BAHCC1: variants seen among roughly 807,000 people sequenced by gnomAD.
BAHCC1 encodes BAH and coiled-coil domain-containing protein 1.
A neutral mutation model predicts 88.2 loss-of-function variants in BAHCC1; 43 were observed. The ratio of observed to expected loss-of-function variants is 0.49; its 90% CI spans 0.38 to 0.63. The LOEUF (loss-of-function observed/expected upper bound fraction) is 0.63. Among genes scored for constraint, BAHCC1 ranks in the 20% least tolerant of loss-of-function variants. The pLI is 0.00. For missense variants in BAHCC1, 3,023 were observed against 1,654.8 expected (o/e 1.83, Z -14.34); for synonymous variants, 1,510 against 745.5 (o/e 2.03, Z -16.71).
rs1053112790 is a variant in BAHCC1, at chr17:81,427,195, T to C, written c.358+216T>C. On this transcript the variant is annotated intron_variant, in intron 3 of 27. Coordinates refer to ENST00000675386, the MANE Select transcript of BAHCC1 (RefSeq NM_001377448.1). ...ACAAGGGCAGCCTGTTCGGCAGTGG[T>C]CCTGGCCAGATGTGTGCTCCAGATG... 6.2e-3 allele frequency among the ~76,000 whole-genome samples: 950 copies of C among 152,194 alleles called. 9 individuals carry two copies. The highest frequency in any genetic ancestry group is 0.021 in the African/African-American group (880 of 41,504).
chr17:81,460,450 G>C, intron 24 of BAHCC1, 54 bp downstream of exon 24: 1 of 729,308 alleles, frequency 1.4e-6, no homozygotes, highest in Non-Finnish European at 2.5e-6. Flanking sequence ...ACTGTGTCCA[G>C]ACGGGCTCCC....
chr17:81,402,635 G>C (rs2063831709), intron 2 of BAHCC1: 1 of 152,272 alleles, frequency 6.6e-6, no homozygotes, highest in African/African-American at 2.4e-5. Flanking sequence ...CTGTCTGGGA[G>C]TAGAATCCAA....
At chr17:81,407,211 G>A in intron 2 of BAHCC1, 1 of 407,810 alleles carries the variant, frequency 2.5e-6, no homozygotes, top group Non-Finnish European at 4.9e-6. Flanking sequence ...AGAAATGGGG[G>A]ATGGGTGTGC....
intron 24 of BAHCC1, 63 bp downstream of exon 24, chr17:81,460,459 C>G (rs1010175115): frequency 2.8e-6 from 2 of 726,588 alleles, no homozygotes; most frequent in African/African-American, 3.5e-5. Flanking sequence ...AGACGGGCTC[C>G]CAAGGAAGGG....
Position 81,445,628 on chromosome 17 carries a change from A to G in BAHCC1, c.3110A>G (p.Glu1037Gly). 2.7e-6 allele frequency: 2 copies of G among 734,408 alleles called. No individual in the cohort carries two copies. The highest frequency in any genetic ancestry group is 5.1e-6 in the Non-Finnish European group (2 of 395,454). 45.5% of individuals were successfully genotyped at this position (734,408 alleles called of 1,614,324 possible). Residue 1037 changes from glutamate to glycine, a missense_variant, in exon 10 of 28, where the codon GAA becomes GGA. Glu to Gly is a moderately conservative substitution (Grantham distance 98). Coordinates refer to ENST00000675386, the MANE Select transcript of BAHCC1 (RefSeq NM_001377448.1). ...GPGSRVRSAE[E>G]KNGEGQQSTA... The stretch of plus-strand genomic sequence containing the variant: ...GGCTCCCGGGTGCGCAGCGCCGAGG[A>G]AAAGAATGGGGAGGGTCAGCAGTCC...
rs1212981158 is a variant in BAHCC1 at position 81,435,386 on chromosome 17, G to A, written c.359-2984G>A. The A allele has an allele frequency of 1.7e-5, 8 of 461,300 alleles. No individual in the cohort carries two copies. Among genetic ancestry groups the A allele is most frequent in the African/African-American group, 4.1e-5 (2 of 49,356 alleles). The allele number at this position is 461,300 out of a possible 1,614,324, so 28.6% of individuals were successfully genotyped here. ...ACCGCAGTAGCAGGGGCAGGATGTG[G>A]GGACCTCGGTGCGACCCCCACTGCC... On this transcript the variant is annotated intron_variant, in intron 3 of 27. Coordinates refer to ENST00000675386, the MANE Select transcript of BAHCC1 (RefSeq NM_001377448.1). This position sits in a 1 kb window ranked among gnomAD's most constrained non-coding sequence, Gnocchi z 4.4.
At chr17:81,458,079 C>A in intron 17 of BAHCC1, 86 bp from the exon 18 acceptor site, 1 of 685,672 alleles carries the variant, frequency 1.5e-6, no homozygotes. Context: ...TGCTAGGTAA[C>A]CAGGAGGGAG....
At position 81,464,480 on chromosome 17, in the gene BAHCC1, C is replaced by T. The variant is rs2030565976; in HGVS notation, c.*663C>T. On this transcript the variant is annotated 3_prime_UTR_variant, in exon 28 of 28. Coordinates refer to ENST00000675386, the MANE Select transcript of BAHCC1 (RefSeq NM_001377448.1). ...ACCCTCTGATCTCTTGGGGGGACGACCGTGTAAGATGAAAGTCGGTCAAGT... is the reference window on the plus strand; with the variant it reads ...ACCCTCTGATCTCTTGGGGGGACGATCGTGTAAGATGAAAGTCGGTCAAGT... 1 of 153,320 alleles carries T rather than the reference C, an allele frequency of 6.5e-6. No homozygotes were observed. Among genetic ancestry groups the T allele is most frequent in the Non-Finnish European group, 1.5e-5 (1 of 68,756 alleles). 9.5% of individuals were successfully genotyped at this position (153,320 alleles called of 1,614,324 possible). A position where few individuals can be genotyped will look rare whatever the true frequency, so the allele number is the denominator to read the frequency against.
Position 81,399,122 on chromosome 17 carries a change from C to CGTGTGTGT in BAHCC1, c.-206-407_-206-406insTGTGTGTG. 1.3e-5 allele frequency: 2 copies of CGTGTGTGT among 155,190 alleles called. No individual in the cohort carries two copies. Among genetic ancestry groups the CGTGTGTGT allele is most frequent in the Non-Finnish European group, 2.6e-5 (2 of 76,108 alleles). The allele number at this position is 155,190 out of a possible 1,614,324, so 9.6% of individuals were successfully genotyped here. On this transcript the variant is annotated intron_variant, in intron 1 of 27. Coordinates refer to ENST00000675386, the MANE Select transcript of BAHCC1 (RefSeq NM_001377448.1). This position sits in a 1 kb window ranked among gnomAD's most constrained non-coding sequence, Gnocchi z 4.5. Reference sequence around the variant, plus strand: ...GCAGCGGGGGAGGGGAGAGGGTGTGCGTGTGAGTGTGTGTGTGTGTGTGTG... The same window carrying CGTGTGTGT: ...GCAGCGGGGGAGGGGAGAGGGTGTGCGTGTGTGTGTGTGAGTGTGTGTGTGTGTGTGTG...
rs1555653813 is a variant in BAHCC1 at position 81,444,657 on chromosome 17, C to T, written c.2513-11C>T. 1.3e-6 allele frequency: 1 copy of T among 770,570 alleles called. No homozygotes were observed. The highest frequency in any genetic ancestry group is 2.4e-6 in the Non-Finnish European group (1 of 417,220). The allele number at this position is 770,570 out of a possible 1,614,324, so 47.7% of individuals were successfully genotyped here. On this transcript the variant is annotated splice_polypyrimidine_tract_variant and intron_variant, in intron 7 of 27. Transcript: ENST00000675386. ...GTGCGAGGCCTGACCACTGTGCCCT[C>T]TGCCTCCCAGGCCTGGGGCACCCTG...
intron 2 of BAHCC1, among the ~76,000 whole-genome samples, chr17:81,412,067 G>GT (rs1380538577): frequency 6.6e-6 from 1 of 152,218 alleles, no homozygotes; most frequent in Non-Finnish European, 1.5e-5. Context: ...CTGATGGCAG[G>GT]TCCCCCGTCC....
At position 81,405,955 on chromosome 17, in the gene BAHCC1, C is replaced by G. The variant is rs139457709; in HGVS notation, c.178+6038C>G. 1.9e-3 allele frequency among the ~76,000 whole-genome samples: 291 copies of G among 152,346 alleles called. 1 individual carries two copies. Among genetic ancestry groups the G allele is most frequent in the African/African-American group, 6.6e-3 (274 of 41,574 alleles). Reference sequence around the variant, plus strand: ...TCAGAGGGGCCTGGTTGCCCATCAGCTGCTGTGGAAGCGATACAGGGACTC... The same window carrying G: ...TCAGAGGGGCCTGGTTGCCCATCAGGTGCTGTGGAAGCGATACAGGGACTC... On this transcript the variant is annotated intron_variant, in intron 2 of 27. Transcript: ENST00000675386.
At position 81,442,624 on chromosome 17, in the gene BAHCC1, G is replaced by A. The variant is rs1431163769; in HGVS notation, c.1275G>A (p.Leu425=). ...AVAGEGKDRH[L]EGTMAPDHAA... ...CAGGGGAGGGCAAGGACCGGCACCT[G>A]GAGGGAACCATGGCCCCCGACCACG... The change falls in exon 5 of 28, where the codon CTG becomes CTA. Residue 425 remains leucine, a synonymous_variant. Transcript: ENST00000675386. 2 of 776,704 alleles carry A rather than the reference G, an allele frequency of 2.6e-6. No individual in the cohort carries two copies. The highest frequency in any genetic ancestry group is 1.3e-5 in the South Asian group (1 of 74,190). The allele number at this position is 776,704 out of a possible 1,614,324, so 48.1% of individuals were successfully genotyped here. A position where few individuals can be genotyped will look rare whatever the true frequency, so the allele number is the denominator to read the frequency against.
Position 81,458,733 on chromosome 17 carries a change from C to T in BAHCC1, c.5448+8C>T, listed in dbSNP as rs1329721277. 1 of 736,834 alleles carries T rather than the reference C, an allele frequency of 1.4e-6. No individual in the cohort carries two copies. The allele number at this position is 736,834 out of a possible 1,614,324, so 45.6% of individuals were successfully genotyped here. A position where few individuals can be genotyped will look rare whatever the true frequency, so the allele number is the denominator to read the frequency against. ...CACAAGGCCGGCAAGCAGGTAGCAG[C>T]CCCCCACTCTGGGAGCCCACTGTGC... is the stretch of plus-strand genomic sequence containing the variant. On this transcript the variant is annotated splice_region_variant and intron_variant, in intron 19 of 27. Coordinates refer to ENST00000675386, the MANE Select transcript of BAHCC1 (RefSeq NM_001377448.1).
intron 4 of BAHCC1, among the ~76,000 whole-genome samples, chr17:81,440,432 C>T (rs1276963970): frequency 2.0e-5 from 3 of 152,238 alleles, no homozygotes; most frequent in African/African-American, 4.8e-5. Flanking sequence ...GCTCCCCTTC[C>T]CCCTTGTTTC....
At chr17:81,427,339 A>G (rs1426423701) in intron 3 of BAHCC1, among the ~76,000 whole-genome samples, 2 of 152,112 alleles carry the variant, frequency 1.3e-5, no homozygotes, top group African/African-American at 2.4e-5. Flanking sequence ...ACCTCCCCAG[A>G]CGCTAGGAGG....
Position 81,451,844 on chromosome 17 carries a change from G to A in BAHCC1, c.4153G>A (p.Asp1385Asn), listed in dbSNP as rs541580397. The part of the protein sequence containing the change: ...TPRMQILQRK[D>N]TWTPKTKPVC... Reference sequence around the variant, plus strand: ...CCGCATGCAGATCCTGCAGCGCAAGGACACCTGGACCCCCAAGACCAAGCC... The same window carrying A: ...CCGCATGCAGATCCTGCAGCGCAAGAACACCTGGACCCCCAAGACCAAGCC... The change falls in exon 12 of 28, where the codon GAC (aspartate) becomes AAC (asparagine). Residue 1385 changes from aspartate to asparagine, a missense_variant. Transcript: ENST00000675386. 14 of 749,516 alleles carry A rather than the reference G, an allele frequency of 1.9e-5. No individual in the cohort carries two copies. In the East Asian group the frequency reaches 3.5e-4, roughly 19 times the overall value. 46.4% of individuals were successfully genotyped at this position (749,516 alleles called of 1,614,324 possible).
intron 23 of BAHCC1, 100 bp from the exon 24 acceptor site, chr17:81,460,177 G>T: frequency 1.5e-6 from 1 of 671,364 alleles, no homozygotes. Flanking sequence ...GAACCCCAGA[G>T]CCCTCCCCTC....
intron 6 of BAHCC1, 88 bp downstream of exon 6, chr17:81,444,005 G>T: frequency 7.4e-6 from 5 of 678,958 alleles, no homozygotes; most frequent in Admixed American, 6.2e-5. Context: ...AAGAGGGGTG[G>T]TCATGGCTGG....
Sources: gnomAD v4.1 joint callset for allele counts (sites outside exome capture counted in the v4.1 genomes callset) on GRCh38, gnomAD v4.1.1 for gene constraint, Gnocchi (gnomAD v3.1) non-coding constraint, MANE v1.5 for transcripts, NCBI Gene and HGNC (gene_info 2026-07-23, HGNC 2026-07-21) for gene names.